The following ITGAD variants were observed in gnomAD, a reference collection of about 807,000 sequenced individuals.
ITGAD encodes integrin alpha-D.
In ITGAD, 105 loss-of-function variants were observed where a neutral mutation model predicts 139.0. The observed-to-expected ratio is 0.76, with a 90% confidence interval of 0.65 to 0.89. The LOEUF is 0.89. Ranked by LOEUF, ITGAD falls within the 40% of genes least tolerant of loss-of-function variation. ITGAD has a pLI of 0.00. For missense variants in ITGAD, 1,384 were observed against 1,487.3 expected (o/e 0.93, Z 1.14); for synonymous variants, 569 against 598.3 (o/e 0.95, Z 0.71).
intron 2 of ITGAD, 62 bp downstream of exon 2, chr16:31,394,403 C>A: frequency 7.6e-7 from 1 of 1,307,350 alleles, no homozygotes. Context: ...GATGGGTACA[C>A]GTGGGTTACC....
At chr16:31,396,099 C>G (rs1157458280) in intron 2 of ITGAD, among the ~76,000 whole-genome samples, 2 of 152,182 alleles carry the variant, frequency 1.3e-5, no homozygotes, top group Non-Finnish European at 2.9e-5. Flanking sequence ...GCCGTGGACC[C>G]CTTCTCATCA....
At chr16:31,398,849 A>G (rs1171234286) in intron 5 of ITGAD, among the ~76,000 whole-genome samples, 2 of 152,152 alleles carry the variant, frequency 1.3e-5, no homozygotes, top group African/African-American at 4.8e-5. Context: ...AGGGCACAGC[A>G]TCTTCCAGTT....
chr16:31,403,666 C>A lies in ITGAD; in HGVS notation c.704+21C>A. On this transcript the variant is annotated intron_variant, in intron 7 of 29. Transcript: ENST00000389202. The surrounding 1 kb of genome is among the most constrained non-coding windows in gnomAD (Gnocchi z 4.4). ...GTGGTGTAAGCAACCCCGACCCCAG[C>A]CTGGCGATGTGACTGCCACCCCCAC... 6.2e-7 allele frequency: 1 copy of A among 1,613,806 alleles called. No individual in the cohort carries two copies. The highest frequency in any genetic ancestry group is 8.5e-7 in the Non-Finnish European group (1 of 1,179,774).
rs183094125 is a variant in ITGAD at position 31,418,273 on chromosome 16, C to A, written c.2617-28C>A. 1.7e-4 allele frequency: 266 copies of A among 1,609,830 alleles called. 3 individuals carry two copies. The East Asian group carries it at 5.7e-3, about 35-fold the overall frequency. On this transcript the variant is annotated intron_variant, in intron 21 of 29. Coordinates refer to ENST00000389202, the MANE Select transcript of ITGAD (RefSeq NM_005353.3). ...CACTCTGCCATGCCCTTCCTTTTAT[C>A]CCCATTCTTTCCTTCTTCTTCCCTC... is the stretch of plus-strand genomic sequence containing the variant.
rs1168761046 is a variant in ITGAD at position 31,410,529 on chromosome 16, GA to G, written c.1213+8del. On this transcript the variant is annotated splice_donor_region_variant and intron_variant, in intron 11 of 29. Transcript: ENST00000389202. Reference sequence around the variant, plus strand: ...ACATGAGGGACTCTTACCTGGGTGAGAAACGGCCAGGGGTTGGGGACAGGTT... The same window carrying G: ...ACATGAGGGACTCTTACCTGGGTGAGAACGGCCAGGGGTTGGGGACAGGTT... The G allele has an allele frequency of 6.4e-7, 1 of 1,573,472 alleles. No homozygotes were observed.
chr16:31,413,278 C>T, intron 16 of ITGAD, 32 bp downstream of exon 16: 1 of 1,609,336 alleles, frequency 6.2e-7, no homozygotes, highest in South Asian at 1.1e-5. Context: ...GGCCCAGGCC[C>T]CTCATTCCAT....
intron 7 of ITGAD, among the ~76,000 whole-genome samples, chr16:31,406,425 C>T (rs2081541846): frequency 6.6e-6 from 1 of 152,136 alleles, no homozygotes; most frequent in Non-Finnish European, 1.5e-5. Flanking sequence ...TAGTAGTCAC[C>T]GTAGGCCATT....
chr16:31,397,854 C>T lies in ITGAD; in HGVS notation c.372C>T (p.Cys124=). Residue 124 remains cysteine (C), a synonymous_variant, in exon 5 of 30, where the codon TGC becomes TGT. Coordinates refer to ENST00000389202, the MANE Select transcript of ITGAD (RefSeq NM_005353.3). ...CGENSYSKGS[C]LLLGSRWEII... is the part of the protein sequence containing the mutation. ...AGAACTCATACTCAAAGGGTTCCTG[C>T]CTCCTGCTGGGCTCGCGCTGGGAGA... The T allele has an allele frequency of 6.2e-7, 1 of 1,613,762 alleles. No homozygotes were observed. Among genetic ancestry groups the T allele is most frequent in the Non-Finnish European group, 8.5e-7 (1 of 1,179,980 alleles).
rs755516635 is a variant in ITGAD, at chr16:31,409,064, C to T, written c.1083+566C>T. Among the ~76,000 whole-genome samples the T allele has an allele frequency of 3.6e-4, 55 of 152,198 alleles. 1 individual carries two copies. The highest frequency in any genetic ancestry group is 1.5e-3 in the South Asian group (7 of 4,812). On this transcript the variant is annotated intron_variant, in intron 10 of 29. Coordinates refer to ENST00000389202, the MANE Select transcript of ITGAD (RefSeq NM_005353.3). ...ATCCCAGCACTTTGGGAGGCTGAGA[C>T]GGGCGGATCACTTGAGGTCAGGAGT...
At position 31,397,652 on chromosome 16, in the gene ITGAD, G is replaced by A. The variant is rs1247065757; in HGVS notation, c.298G>A (p.Gly100Ser). The A allele has an allele frequency of 1.1e-5, 18 of 1,594,552 alleles. No individual in the cohort carries two copies. The highest frequency in any genetic ancestry group is 3.4e-5 in the Admixed American group (2 of 59,230). The stretch of plus-strand genomic sequence containing the variant: ...CCTGACCCTGGCAGCCTCCACCAAC[G>A]GCTCCCGGCTCCTGGTGAGTGAGTG... ...LGLTLAASTNGSRLLACGPTL... is the reference protein window; with the variant it reads ...LGLTLAASTNSSRLLACGPTL... The change falls in exon 4 of 30, where the codon GGC (glycine) becomes AGC (serine). Residue 100 changes from glycine to serine, a missense_variant. By Grantham distance (56) the Gly-to-Ser change is moderately conservative. Transcript: ENST00000389202.
intron 12 of ITGAD, 50 bp from the exon 13 acceptor site, chr16:31,411,026 G>T (rs746617783): frequency 1.9e-6 from 3 of 1,606,716 alleles, no homozygotes; most frequent in Admixed American, 1.7e-5. Flanking sequence ...CTGGCCCACA[G>T]GGCTGCCTCT....
chr16:31,410,522 T>G lies in ITGAD; in HGVS notation c.1211T>G (p.Leu404Arg). The G allele has an allele frequency of 6.4e-7, 1 of 1,561,568 alleles. No individual in the cohort carries two copies. Among genetic ancestry groups the G allele is most frequent in the East Asian group, 2.5e-5 (1 of 40,734 alleles). The part of the protein sequence containing the change: ...QENVDMRDSY[L>R]GYSTELALWK... ...AATGTGGACATGAGGGACTCTTACC[T>G]GGGTGAGAAACGGCCAGGGGTTGGG... The change falls in exon 11 of 30, where the codon CTG becomes CGG. Residue 404 changes from leucine (L) to arginine (R), a missense_variant and splice_region_variant. Leu to Arg is a moderately radical substitution (Grantham distance 102). Coordinates refer to ENST00000389202, the MANE Select transcript of ITGAD (RefSeq NM_005353.3).
chr16:31,415,588 C>T (rs2081864535), intron 18 of ITGAD, among the ~76,000 whole-genome samples: 1 of 152,258 alleles, frequency 6.6e-6, no homozygotes, highest in Non-Finnish European at 1.5e-5. Flanking sequence ...CACAGACTCT[C>T]TTGTTCATTC....
At chr16:31,408,730 C>T in intron 10 of ITGAD, 1 of 509,852 alleles carries the variant, frequency 2.0e-6, no homozygotes. Context: ...AAGAGCCTCT[C>T]AGATAGCACT....
At chr16:31,402,415 C>A (rs1597116705) in intron 6 of ITGAD, 170 bp downstream of exon 6, 6 of 480,632 alleles carry the variant, frequency 1.2e-5, no homozygotes, top group South Asian at 4.3e-5. Flanking sequence ...ACCTAGGAGG[C>A]CCTCTTGGCA....
At chr16:31,413,894 C>T (rs566683299) in intron 16 of ITGAD, among the ~76,000 whole-genome samples, 1 of 152,322 alleles carries the variant, frequency 6.6e-6, no homozygotes, top group East Asian at 1.9e-4. Context: ...TGGCCAGGTC[C>T]AGCAAGCATG....
At chr16:31,419,318 G>A (rs1284705310) in intron 23 of ITGAD, among the ~76,000 whole-genome samples, 5 of 152,126 alleles carry the variant, frequency 3.3e-5, no homozygotes, top group African/African-American at 7.2e-5. Context: ...TAACATTGTA[G>A]TGCAACTCAT....
At chr16:31,416,825 T>C (rs758296443) in intron 20 of ITGAD, among the ~76,000 whole-genome samples, 179 bp downstream of exon 20, 4 of 152,068 alleles carry the variant, frequency 2.6e-5, no homozygotes, top group Non-Finnish European at 4.4e-5. Flanking sequence ...TAATGAATAA[T>C]ATTAAACAAA....
Position 31,418,366 on chromosome 16 carries a change from G to A in ITGAD, c.2682G>A (p.Arg894=), listed in dbSNP as rs201151823. The A allele has an allele frequency of 1.2e-6, 2 of 1,614,040 alleles. No individual in the cohort carries two copies. The highest frequency in any genetic ancestry group is 1.3e-5 in the African/African-American group (1 of 75,006). Residue 894 remains arginine (R), a synonymous_variant, in exon 22 of 30, where the codon AGG becomes AGA. Coordinates refer to ENST00000389202, the MANE Select transcript of ITGAD (RefSeq NM_005353.3). Reference sequence around the variant, plus strand: ...CCCTGGGAGACAGGATGCTTATGAGGGCCAGTGCAAGCAGGTGGGTCCAGG... The same window carrying A: ...CCCTGGGAGACAGGATGCTTATGAGAGCCAGTGCAAGCAGGTGGGTCCAGG... ...KATLGDRMLM[R]ASASSENNKA...
Sources: gnomAD v4.1 joint callset for allele counts (sites outside exome capture counted in the v4.1 genomes callset) on GRCh38, gnomAD v4.1.1 for gene constraint, Gnocchi (gnomAD v3.1) non-coding constraint, MANE v1.5 for transcripts, NCBI Gene and HGNC (gene_info 2026-07-23, HGNC 2026-07-21) for gene names.